Variants in ALDH8A1 observed in about 807,000 individuals in gnomAD.
The protein encoded by ALDH8A1 is 2-aminomuconic semialdehyde dehydrogenase.
In ALDH8A1, 39 loss-of-function variants were observed where a neutral mutation model predicts 43.3. That is an observed-to-expected ratio of 0.90 (90% CI 0.70 to 1.18). The LOEUF (loss-of-function observed/expected upper bound fraction) is 1.18, where lower values mean the gene tolerates loss of function less well. Among genes scored for constraint, ALDH8A1 ranks in the 50% most tolerant of loss-of-function variants. The pLI is 0.00. For synonymous variants in ALDH8A1, 233 were observed against 243.5 expected (o/e 0.96, Z 0.40); for missense variants, 605 against 622.6 (o/e 0.97, Z 0.30).
intron 3 of ALDH8A1, among the ~76,000 whole-genome samples, chr6:134,939,762 C>T (rs1416546687): frequency 4.6e-5 from 7 of 152,276 alleles, no homozygotes; most frequent in Middle Eastern, 3.4e-3. Context: ...TACATGCACG[C>T]GTATGTTCAT....
At chr6:134,947,830 G>A (rs1381230777) in intron 1 of ALDH8A1, among the ~76,000 whole-genome samples, 5 of 141,850 alleles carry the variant, frequency 3.5e-5, no homozygotes, top group African/African-American at 1.4e-4. Flanking sequence ...TATGGAAAAC[G>A]CATGTAGGTT....
chr6:134,947,273 C>T (rs1056484565), intron 1 of ALDH8A1, among the ~76,000 whole-genome samples: 14 of 152,138 alleles, frequency 9.2e-5, no homozygotes, highest in African/African-American at 3.4e-4. Context: ...TATGAAACTA[C>T]TATAAGAAAA....
intron 6 of ALDH8A1, among the ~76,000 whole-genome samples, chr6:134,928,360 C>T (rs1278478030): frequency 5.9e-5 from 9 of 152,200 alleles, no homozygotes; most frequent in East Asian, 3.8e-4. Flanking sequence ...TGCAGTGTCA[C>T]GGATTTCTAC....
intron 6 of ALDH8A1, among the ~76,000 whole-genome samples, chr6:134,921,637 G>A (rs1306830278): frequency 5.9e-5 from 9 of 152,156 alleles, no homozygotes; most frequent in Non-Finnish European, 1.2e-4. Flanking sequence ...CAAAGGCATC[G>A]CCACCTATTG....
In ALDH8A1 at chr6:134,929,205, C is replaced by G. The variant is rs377167242; in HGVS notation, c.860G>C (p.Cys287Ser). ...RSSFANQGEICLCTSRIFVQK... is the reference protein window; with the variant it reads ...RSSFANQGEISLCTSRIFVQK... ...GACAAAGATCCTGCTGGTACAGAGA[C>G]AGATTTCACCCTGCCAAGAATGAGA... is the stretch of plus-strand genomic sequence containing the variant. The change falls in exon 6 of 7, where the codon TGT (cysteine) becomes TCT (serine). Residue 287 changes from cysteine to serine, a missense_variant. Transcript: ENST00000265605. The G allele has an allele frequency of 6.2e-7, 1 of 1,613,902 alleles. No homozygotes were observed. Among genetic ancestry groups the G allele is most frequent in the South Asian group, 1.1e-5 (1 of 91,040 alleles).
chr6:134,935,802 T>C (rs1016247220), intron 4 of ALDH8A1, among the ~76,000 whole-genome samples: 2 of 152,204 alleles, frequency 1.3e-5, no homozygotes, highest in African/African-American at 2.4e-5. Flanking sequence ...TTCACACTGA[T>C]GATCCATTAT....
intron 5 of ALDH8A1, among the ~76,000 whole-genome samples, chr6:134,931,744 A>C (rs902076851): frequency 1.6e-4 from 25 of 152,234 alleles, no homozygotes; most frequent in Non-Finnish European, 7.3e-5. Context: ...ATTGATCCAG[A>C]AATTATATTT....
rs1016629869 is a variant in ALDH8A1, at chr6:134,942,477, G to A, written c.374C>T (p.Thr125Met). The A allele has an allele frequency of 7.4e-6, 12 of 1,614,072 alleles. No homozygotes were observed. Among genetic ancestry groups the A allele is most frequent in the Admixed American group, 6.7e-5 (4 of 60,004 alleles). The change falls in exon 3 of 7, where the codon ACG (threonine) becomes ATG (methionine). Residue 125 changes from threonine (T) to methionine (M), a missense_variant. Thr to Met is a moderately conservative substitution (Grantham distance 81). Transcript: ENST00000265605. ...RFFASSSLHH[T>M]SECTQMDHLG... The stretch of plus-strand genomic sequence containing the variant: ...GTGGTCCATCTGCGTGCACTCTGAC[G>A]TGTGGTGCAGGCTGGAGGAAGCGAA...
At chr6:134,944,167 A>G (rs1562260548) in intron 1 of ALDH8A1, 1 of 572,314 alleles carries the variant, frequency 1.7e-6, no homozygotes, top group Non-Finnish European at 2.9e-6. Flanking sequence ...TCCGGGGTTC[A>G]AGTGATTCTC....
At position 134,942,562 on chromosome 6, in the gene ALDH8A1, TC is replaced by T. The variant is rs1204118525; in HGVS notation, c.288del (p.Thr98ProfsTer2). 50 of 1,613,034 alleles carry T rather than the reference TC, an allele frequency of 3.1e-5. No homozygotes were observed. The highest frequency in any genetic ancestry group is 3.6e-5 in the Non-Finnish European group (43 of 1,179,432). On this transcript the variant is annotated frameshift_variant and splice_region_variant, in exon 3 of 7. Coordinates refer to ENST00000265605, the MANE Select transcript of ALDH8A1 (RefSeq NM_022568.4). LOFTEE classifies it high-confidence loss of function. ...ATGGTTCTTGCCAGTGCTAAGGTTTTCCCTGTAAGAAGCAAACAACATAAAG... is the reference window on the plus strand; with the variant it reads ...ATGGTTCTTGCCAGTGCTAAGGTTTTCCTGTAAGAAGCAAACAACATAAAG... ...EFAQAESKDQ[G>X]KTLALARTMD... is the part of the protein sequence containing the mutation.
chr6:134,926,122 T>G (rs1443286870), intron 6 of ALDH8A1, among the ~76,000 whole-genome samples: 3 of 151,628 alleles, frequency 2.0e-5, no homozygotes, highest in Non-Finnish European at 4.4e-5. Flanking sequence ...TCACCAGTGA[T>G]GAAATAATTA....
chr6:134,918,244 AGT>A lies in ALDH8A1; in HGVS notation c.*169_*170del. On this transcript the variant is annotated 3_prime_UTR_variant, in exon 7 of 7. Transcript: ENST00000265605. ...TTCCGAGTCCACATTGAAAATAGAC[AGT>A]ATCTCTTCACTAGTGGGTAAAGTTA... 3.2e-6 allele frequency: 2 copies of A among 630,354 alleles called. No individual in the cohort carries two copies. The highest frequency in any genetic ancestry group is 6.0e-5 in the Admixed American group (2 of 33,082). The allele number at this position is 630,354 out of a possible 1,614,324, so 39.0% of individuals were successfully genotyped here.
At chr6:134,947,577 G>A (rs1381916927) in intron 1 of ALDH8A1, among the ~76,000 whole-genome samples, 8 of 151,660 alleles carry the variant, frequency 5.3e-5, no homozygotes, top group South Asian at 2.1e-4. Context: ...ATTTAAAAAC[G>A]GGCAAATGAT....
intron 5 of ALDH8A1, 116 bp from the exon 6 acceptor site, chr6:134,929,331 T>C: frequency 9.2e-7 from 1 of 1,082,514 alleles, no homozygotes; most frequent in Non-Finnish European, 1.3e-6. Flanking sequence ...TGGGGTACAA[T>C]GGTAAATAAG....
intron 3 of ALDH8A1, chr6:134,940,266 C>A: frequency 3.3e-6 from 1 of 304,806 alleles, no homozygotes; most frequent in Non-Finnish European, 6.5e-6. Flanking sequence ...TCACCTGTCA[C>A]TAAACAGTTC....
At chr6:134,930,633 G>A (rs571996491) in intron 5 of ALDH8A1, among the ~76,000 whole-genome samples, 8 of 152,168 alleles carry the variant, frequency 5.3e-5, no homozygotes, top group South Asian at 2.1e-4. Flanking sequence ...AACCAGGATC[G>A]CTGTTAGGAT....
At chr6:134,935,044 T>C (rs1011391135) in intron 4 of ALDH8A1, among the ~76,000 whole-genome samples, 4 of 152,216 alleles carry the variant, frequency 2.6e-5, no homozygotes, top group African/African-American at 9.6e-5. Context: ...AGGATAAATT[T>C]CTGTTCCCTT....
chr6:134,932,815 C>T lies in ALDH8A1; in HGVS notation c.810G>A (p.Glu270=). ...AIIFEDANLD[E]CIPATVRSSF... is the part of the protein sequence containing the mutation. Reference sequence around the variant, plus strand: ...TGGACCTGACGGTTGCCGGAATGCACTCATCCAGGTTGGCGTCCTCAAAGA... The same window carrying T: ...TGGACCTGACGGTTGCCGGAATGCATTCATCCAGGTTGGCGTCCTCAAAGA... Residue 270 remains glutamate, a synonymous_variant, in exon 5 of 7, where the codon GAG becomes GAA. Coordinates refer to ENST00000265605, the MANE Select transcript of ALDH8A1 (RefSeq NM_022568.4). 1 of 1,614,232 alleles carries T rather than the reference C, an allele frequency of 6.2e-7. No individual in the cohort carries two copies.
At chr6:134,944,263 T>C in intron 1 of ALDH8A1, 1 of 269,352 alleles carries the variant, frequency 3.7e-6, no homozygotes, top group Non-Finnish European at 7.1e-6. Flanking sequence ...GAAAGGGGGT[T>C]TCACCATGCT....
Sources: allele counts gnomAD v4.1 joint callset (sites outside exome capture counted in the v4.1 genomes callset), GRCh38; gene constraint gnomAD v4.1.1; transcripts MANE v1.5; gene names NCBI Gene and HGNC (gene_info 2026-07-23, HGNC 2026-07-21).